FAM53A: variants seen among roughly 807,000 people sequenced by gnomAD.
FAM53A encodes family with sequence similarity 53 member A, also known as protein FAM53A.
A neutral mutation model predicts 26.6 loss-of-function variants in FAM53A; 28 were observed. The ratio of observed to expected loss-of-function variants is 1.05; its 90% CI spans 0.78 to 1.45. The LOEUF (loss-of-function observed/expected upper bound fraction) is 1.45, where lower values mean the gene tolerates loss of function less well. FAM53A is among the 40% of genes most tolerant of loss of function. FAM53A has a pLI of 0.00. For missense variants in FAM53A, 650 were observed against 575.8 expected, an observed-to-expected ratio of 1.13 and a Z score of -1.32; for synonymous variants, 290 against 253.1, an observed-to-expected ratio of 1.15 and a Z score of -1.38.
chr4:1,601,227 A>C, the FAM53A span, among the ~76,000 whole-genome samples: 1 of 115,844 alleles, frequency 8.6e-6, no homozygotes, highest in Middle Eastern at 4.2e-3. Context: ...TGGAGCCGCA[A>C]CAGGTCGGAC....
Position 1,640,752 on chromosome 4 carries a change from C to G in FAM53A, c.*541G>C. 2.7e-6 allele frequency: 1 copy of G among 375,222 alleles called. No homozygotes were observed. Among genetic ancestry groups the G allele is most frequent in the Non-Finnish European group, 5.0e-6 (1 of 199,282 alleles). The allele number at this position is 375,222 out of a possible 1,614,324, so 23.2% of individuals were successfully genotyped here. On this transcript the variant is annotated 3_prime_UTR_variant, in exon 5 of 5. Coordinates refer to ENST00000308132, the MANE Select transcript of FAM53A (RefSeq NM_001174070.3). The stretch of plus-strand genomic sequence containing the variant: ...AACTCACAGGAAACCTACTCTGTGC[C>G]CCAGGGCAGGTGCCGGTGGCAGCCA...
chr4:1,618,246 C>T (rs1714882004), intron 1 of FAM53A: 1 of 430,514 alleles, frequency 2.3e-6, no homozygotes, highest in Non-Finnish European at 4.7e-6. Flanking sequence ...GGGGTGCATC[C>T]AGGCTGTGGC....
At chr4:1,589,545 G>A in the FAM53A span, among the ~76,000 whole-genome samples, 1 of 151,928 alleles carries the variant, frequency 6.6e-6, no homozygotes, top group Non-Finnish European at 1.5e-5. Flanking sequence ...GATTTTTAGT[G>A]GGGAATTATT....
chr4:1,685,855 C>T (rs756198644), upstream of FAM53A, among the ~76,000 whole-genome samples: 15 of 152,164 alleles, frequency 9.9e-5, no homozygotes, highest in Non-Finnish European at 1.6e-4. Context: ...CACCTGTGCC[C>T]GGGGCGAGGC....
chr4:1,627,792 G>T (rs1355484980), intron 1 of FAM53A, among the ~76,000 whole-genome samples: 2 of 152,130 alleles, frequency 1.3e-5, no homozygotes, highest in African/African-American at 4.8e-5. Flanking sequence ...CCCACCTGGG[G>T]GTCTCCACTC....
chr4:1,649,372 G>C (rs1712548369), intron 4 of FAM53A, among the ~76,000 whole-genome samples: 1 of 152,248 alleles, frequency 6.6e-6, no homozygotes. Context: ...ACCAGAGCCA[G>C]CATCAATGCT....
chr4:1,621,944 G>A (rs1186721564), intron 1 of FAM53A, among the ~76,000 whole-genome samples: 1 of 152,188 alleles, frequency 6.6e-6, no homozygotes, highest in Non-Finnish European at 1.5e-5. Flanking sequence ...TGTTTGGGTC[G>A]GACGGCACCG....
the FAM53A span, among the ~76,000 whole-genome samples, chr4:1,604,640 A>G: frequency 4.6e-5 from 7 of 152,218 alleles, no homozygotes; most frequent in South Asian, 1.4e-3. Context: ...TTCCCCCAGG[A>G]CAGCACAGGG....
chr4:1,605,516 G>A, the FAM53A span, among the ~76,000 whole-genome samples: 2 of 152,198 alleles, frequency 1.3e-5, no homozygotes, highest in African/African-American at 4.8e-5. This position sits in a 1 kb window ranked among gnomAD's most constrained non-coding sequence, Gnocchi z 5.7. Context: ...TGAGCGTGAG[G>A]GAGGGGACGA....
intron 1 of FAM53A, among the ~76,000 whole-genome samples, chr4:1,623,648 G>A (rs555192299): frequency 7.9e-5 from 12 of 152,354 alleles, no homozygotes; most frequent in East Asian, 5.8e-4. Context: ...TCCGGAACAC[G>A]GCGGCAGCTC....
chr4:1,649,182 G>GGGGAAGGGGAAGGGGAAAGGGAAA (rs1560151250), intron 4 of FAM53A, among the ~76,000 whole-genome samples: 6 of 117,936 alleles, frequency 5.1e-5, no homozygotes, highest in East Asian at 2.0e-4. Flanking sequence ...GGAAAGGGAA[G>GGGGAAGGGGAAGGGGAAAGGGAAA]GGGAAGGGGA....
chr4:1,574,966 GAC>G, the FAM53A span, among the ~76,000 whole-genome samples: 1 of 152,260 alleles, frequency 6.6e-6, no homozygotes, highest in Non-Finnish European at 1.5e-5. Flanking sequence ...GTGGATGAGT[GAC>G]AGGCCTCCTT....
intron 1 of FAM53A, among the ~76,000 whole-genome samples, chr4:1,674,188 A>G (rs1006461620): frequency 6.6e-6 from 1 of 152,192 alleles, no homozygotes; most frequent in Non-Finnish European, 1.5e-5. Context: ...TCCAGTTTCC[A>G]GGGGCTCTGG....
rs1227807200 is a variant in FAM53A, at chr4:1,641,316, G to C, written c.1174C>G (p.Leu392Val). 1.2e-6 allele frequency: 2 copies of C among 1,612,650 alleles called. No individual in the cohort carries two copies. Among genetic ancestry groups the C allele is most frequent in the Non-Finnish European group, 1.7e-6 (2 of 1,179,744 alleles). Residue 392 changes from leucine (L) to valine (V), a missense_variant, in exon 5 of 5, where the codon CTG becomes GTG. Transcript: ENST00000308132. ...VFPRARWELD[L>V]EQIENN ...CCTCAGTTGTTCTCGATCTGCTCCA[G>C]GTCCAGCTCCCAGCGGGCCCGGGGG...
chr4:1,597,853 G>A, the FAM53A span, among the ~76,000 whole-genome samples: 4 of 152,364 alleles, frequency 2.6e-5, no homozygotes, highest in African/African-American at 4.8e-5. Context: ...AAAATTCGCC[G>A]GATGTGGTGG....
the FAM53A span, among the ~76,000 whole-genome samples, chr4:1,612,065 T>C: frequency 1.3e-5 from 2 of 152,198 alleles, no homozygotes; most frequent in Non-Finnish European, 2.9e-5. Flanking sequence ...TGTGCCCATA[T>C]TGAATATTTG....
At chr4:1,658,682 C>T (rs1254613458) in intron 2 of FAM53A, among the ~76,000 whole-genome samples, 1 of 152,234 alleles carries the variant, frequency 6.6e-6, no homozygotes, top group Non-Finnish European at 1.5e-5. Flanking sequence ...CATGAAGTGT[C>T]AGGGAGCTGC....
intron 1 of FAM53A, among the ~76,000 whole-genome samples, chr4:1,670,193 C>G (rs553960575): frequency 6.6e-6 from 1 of 152,268 alleles, no homozygotes; most frequent in Non-Finnish European, 1.5e-5. Context: ...GAGACTCACA[C>G]GCACACTTCT....
intron 1 of FAM53A, among the ~76,000 whole-genome samples, chr4:1,670,831 G>A (rs996228606): frequency 1.3e-5 from 2 of 152,158 alleles, no homozygotes; most frequent in Admixed American, 1.3e-4. Context: ...TGTCAGCTGG[G>A]GAAAAACCAC....
Sources: allele counts gnomAD v4.1 joint callset (sites outside exome capture counted in the v4.1 genomes callset), GRCh38; gene constraint gnomAD v4.1.1; non-coding constraint Gnocchi (gnomAD v3.1); transcripts MANE v1.5; gene names NCBI Gene and HGNC (gene_info 2026-07-23, HGNC 2026-07-21).